The following EPHA5 variants were observed in gnomAD, a reference collection of about 807,000 sequenced individuals.
The protein encoded by EPHA5 is ephrin type-A receptor 5.
EPHA5 carries 60 observed loss-of-function variants against 105.0 expected under a neutral mutation model. The observed-to-expected ratio is 0.57, with a 90% confidence interval of 0.46 to 0.71. The LOEUF is 0.71. Among genes scored for constraint, EPHA5 ranks in the 30% least tolerant of loss-of-function variants. EPHA5 has a pLI of 0.00. For missense variants in EPHA5, 1,218 were observed against 1,274.7 expected, an observed-to-expected ratio of 0.96 and a Z score of 0.68; for synonymous variants, 513 against 449.1, an observed-to-expected ratio of 1.14 and a Z score of -1.80.
intron 2 of EPHA5, among the ~76,000 whole-genome samples, chr4:65,620,563 TTTG>T (rs1489568154): frequency 1.3e-5 from 2 of 152,306 alleles, no homozygotes; most frequent in African/African-American, 4.8e-5. Flanking sequence ...TCAGTGAATA[TTTG>T]TTGAGTTGAT....
rs1275544263 is a variant in EPHA5 at position 65,322,053 on chromosome 4, G to A, written c.*2061C>T. On this transcript the variant is annotated 3_prime_UTR_variant, in exon 17 of 17. Coordinates refer to ENST00000613740, the MANE Select transcript of EPHA5 (RefSeq NM_001281766.3). ...CAAATGCATCTTTAATAATGGTGAT[G>A]CTTTTTTATGATTTTATCAAGAAAA... 4.4e-6 allele frequency: 1 copy of A among 225,944 alleles called. No homozygotes were observed. The allele number at this position is 225,944 out of a possible 1,614,324, so 14.0% of individuals were successfully genotyped here.
chr4:65,502,320 C>T (rs1732573446), intron 3 of EPHA5, among the ~76,000 whole-genome samples: 1 of 151,442 alleles, frequency 6.6e-6, no homozygotes, highest in African/African-American at 2.4e-5. Flanking sequence ...AACAGACAAC[C>T]TGCAGAATGA....
In EPHA5 at chr4:65,336,046, T is replaced by C. The variant is rs1721146507; in HGVS notation, c.2675A>G (p.Asp892Gly). ...CPAALYQLMLDCWQKERNSRP... is the reference protein window; with the variant it reads ...CPAALYQLMLGCWQKERNSRP... ...GCTATTTCGCTCTTTCTGCCAGCAA[T>C]CCAGCATTAACTGATAGAGAGCAGC... The change falls in exon 15 of 17, where the codon GAT (aspartate) becomes GGT (glycine). Residue 892 changes from aspartate to glycine, a missense_variant. By Grantham distance (94) the Asp-to-Gly change is moderately conservative. Around this residue, in one of 3 missense-constraint regions of EPHA5, gnomAD observed 971 missense variants for 1,013.5 expected, o/e 0.96. Transcript: ENST00000613740. The C allele has an allele frequency of 1.2e-6, 2 of 1,613,290 alleles. No individual in the cohort carries two copies. Among genetic ancestry groups the C allele is most frequent in the East Asian group, 2.2e-5 (1 of 44,844 alleles).
intron 5 of EPHA5, among the ~76,000 whole-genome samples, chr4:65,437,291 C>T (rs1344355573): frequency 1.3e-5 from 2 of 151,976 alleles, no homozygotes; most frequent in Admixed American, 6.6e-5. Flanking sequence ...ACTCTGGCTT[C>T]CTGCCAATCA....
chr4:65,390,790 A>G (rs959646696), intron 8 of EPHA5, among the ~76,000 whole-genome samples: 1 of 152,148 alleles, frequency 6.6e-6, no homozygotes, highest in Non-Finnish European at 1.5e-5. Flanking sequence ...TATTTAATAC[A>G]TAAAAGTATG....
At chr4:65,600,218 G>A (rs1346363385) in intron 3 of EPHA5, among the ~76,000 whole-genome samples, 3 of 152,026 alleles carry the variant, frequency 2.0e-5, no homozygotes. Context: ...TTGCTCAAAA[G>A]TAAAAGATAA....
rs528352300 is a variant in EPHA5, at chr4:65,507,220, G to A, written c.911-11677C>T. ...CTGAGGGCTCTGTTCTGTTCCATTG[G>A]TCTATATCTCTGTTTTGGTACCAGT... On this transcript the variant is annotated intron_variant, in intron 3 of 16. Transcript: ENST00000613740. Among the ~76,000 whole-genome samples, 61 of 152,076 alleles carry A rather than the reference G, an allele frequency of 4.0e-4. 2 individuals carry two copies. The East Asian group carries it at 0.011, about 28-fold the overall frequency.
chr4:65,437,296 C>A (rs184735963), intron 5 of EPHA5, among the ~76,000 whole-genome samples: 4 of 152,094 alleles, frequency 2.6e-5, no homozygotes, highest in African/African-American at 9.6e-5. Flanking sequence ...GGCTTCCTGC[C>A]AATCAGAGCC....
At chr4:65,556,589 C>G (rs1222380103) in intron 3 of EPHA5, among the ~76,000 whole-genome samples, 4 of 151,930 alleles carry the variant, frequency 2.6e-5, no homozygotes, top group African/African-American at 9.7e-5. Context: ...CACAGTGATC[C>G]AAGTCACATG....
In EPHA5 at chr4:65,602,410, C is replaced by G. The variant is rs181732015; in HGVS notation, c.247-106G>C. On this transcript the variant is annotated intron_variant, in intron 2 of 16. Transcript: ENST00000613740. Reference sequence around the variant, plus strand: ...AAACTAACTGAGATATAGAAATATTCGTATCCTCAATATGTGATATTTACA... The same window carrying G: ...AAACTAACTGAGATATAGAAATATTGGTATCCTCAATATGTGATATTTACA... 2.7e-4 allele frequency: 224 copies of G among 844,120 alleles called. 2 individuals are homozygous for G. In the African/African-American group the frequency reaches 3.1e-3, roughly 12 times the overall value. 52.3% of individuals were successfully genotyped at this position (844,120 alleles called of 1,614,324 possible).
Position 65,571,022 on chromosome 4 carries a change from C to G in EPHA5, c.910+30619G>C, listed in dbSNP as rs534828425. The stretch of plus-strand genomic sequence containing the variant: ...CATTCTCTCCCTTCCGCTGCCCACT[C>G]TCTCCTTCTTCCTCCCCCTCCCTTC... On this transcript the variant is annotated intron_variant, in intron 3 of 16. Transcript: ENST00000613740. Among the ~76,000 whole-genome samples the G allele has an allele frequency of 5.3e-5, 8 of 151,998 alleles. No homozygotes were observed. The South Asian group carries it at 1.7e-3, about 31-fold the overall frequency.
At chr4:65,521,077 T>C (rs1734660978) in intron 3 of EPHA5, among the ~76,000 whole-genome samples, 1 of 152,116 alleles carries the variant, frequency 6.6e-6, no homozygotes, top group Non-Finnish European at 1.5e-5. Context: ...CATGCACATG[T>C]ATGTTTATTG....
intron 5 of EPHA5, among the ~76,000 whole-genome samples, chr4:65,440,734 T>G (rs2149084988): frequency 6.6e-6 from 1 of 151,932 alleles, no homozygotes; most frequent in Non-Finnish European, 1.5e-5. Flanking sequence ...GATACCACCT[T>G]GAGGAGGGTT....
At chr4:65,516,137 G>C (rs575709951) in intron 3 of EPHA5, among the ~76,000 whole-genome samples, 23 of 152,098 alleles carry the variant, frequency 1.5e-4, no homozygotes, top group African/African-American at 5.3e-4. Context: ...TTGAGGCATC[G>C]ACCAGCATAC....
chr4:65,549,180 A>T (rs1737657858), intron 3 of EPHA5, among the ~76,000 whole-genome samples: 1 of 152,134 alleles, frequency 6.6e-6, no homozygotes, highest in Admixed American at 6.6e-5. Flanking sequence ...GTAGACTACA[A>T]CTAAATTTCC....
intron 2 of EPHA5, among the ~76,000 whole-genome samples, chr4:65,637,076 T>C (rs1281363389): frequency 1.3e-5 from 2 of 151,938 alleles, no homozygotes; most frequent in East Asian, 1.9e-4. Flanking sequence ...CACACAAATA[T>C]ACACACACAA....
At chr4:65,444,453 T>C (rs547618725) in intron 5 of EPHA5, among the ~76,000 whole-genome samples, 1 of 152,310 alleles carries the variant, frequency 6.6e-6, no homozygotes, top group Non-Finnish European at 1.5e-5. Flanking sequence ...ATTTATTGAA[T>C]GTTACTATGC....
rs368078938 is a variant in EPHA5 at position 65,495,239 on chromosome 4, G to A, written c.1066+149C>T. 396 of 781,498 alleles carry A rather than the reference G, an allele frequency of 5.1e-4. No individual in the cohort carries two copies. In the African/African-American group the frequency reaches 5.5e-3, roughly 11 times the overall value. The allele number at this position is 781,498 out of a possible 1,614,324, so 48.4% of individuals were successfully genotyped here. ...AAATTTTTCAGTGCTTATTCAAGGA[G>A]ATTGAAAATTGGTGAAAACTGTATA... On this transcript the variant is annotated intron_variant, in intron 4 of 16. Transcript: ENST00000613740.
chr4:65,349,202 GTC>G (rs1722585407), intron 13 of EPHA5, among the ~76,000 whole-genome samples: 1 of 151,952 alleles, frequency 6.6e-6, no homozygotes, highest in East Asian at 1.9e-4. Flanking sequence ...TTCCTCTGTT[GTC>G]TTATTTTGTT....
Sources: allele counts gnomAD v4.1 joint callset (sites outside exome capture counted in the v4.1 genomes callset), GRCh38; gene constraint gnomAD v4.1.1; regional missense constraint gnomAD v4.1.1; transcripts MANE v1.5; gene names NCBI Gene and HGNC (gene_info 2026-07-23, HGNC 2026-07-21).